LRFN5: variants seen among roughly 807,000 people sequenced by gnomAD.
The protein encoded by LRFN5 is leucine-rich repeat and fibronectin type-III domain-containing protein 5.
In LRFN5, 24 loss-of-function variants were observed where a neutral mutation model predicts 45.6. The ratio of observed to expected loss-of-function variants is 0.53; its 90% confidence interval spans 0.38 to 0.74. LRFN5 has a LOEUF of 0.74. Among genes scored for constraint, LRFN5 ranks in the 30% least tolerant of loss-of-function variants. The pLI, the probability that LRFN5 is intolerant of heterozygous loss-of-function variation, is 0.00. For missense variants in LRFN5, 776 were observed against 861.5 expected, an observed-to-expected ratio of 0.90 and a Z score of 1.24; for synonymous variants, 340 against 313.8, an observed-to-expected ratio of 1.08 and a Z score of -0.88.
chr14:41,653,225 T>A (rs1327670957), intron 1 of LRFN5, among the ~76,000 whole-genome samples: 1 of 152,174 alleles, frequency 6.6e-6, no homozygotes, highest in Non-Finnish European at 1.5e-5. Flanking sequence ...ATCTTCATCA[T>A]AAAGTCTTTG....
intron 1 of LRFN5, among the ~76,000 whole-genome samples, chr14:41,670,225 G>GTA (rs1478689228): frequency 0.022 from 940 of 42,192 alleles, 36 homozygotes; most frequent in Non-Finnish European, 0.032. Context: ...GTATATATAT[G>GTA]TATACACACA....
At chr14:41,619,487 A>T (rs1888041344) in intron 1 of LRFN5, among the ~76,000 whole-genome samples, 2 of 152,038 alleles carry the variant, frequency 1.3e-5, no homozygotes, top group Admixed American at 6.6e-5. Flanking sequence ...CTGAAAATGC[A>T]TGTCATATTC....
chr14:41,797,262 G>T (rs1429500065), intron 2 of LRFN5, among the ~76,000 whole-genome samples: 2 of 151,442 alleles, frequency 1.3e-5, no homozygotes, highest in Non-Finnish European at 3.0e-5. Flanking sequence ...ATTTATTTGG[G>T]TGTTAATTTT....
intron 1 of LRFN5, among the ~76,000 whole-genome samples, chr14:41,664,742 T>C (rs1880818493): frequency 6.6e-6 from 1 of 152,008 alleles, no homozygotes; most frequent in Admixed American, 6.6e-5. Flanking sequence ...AATTATGCAA[T>C]ATACATTCAA....
At chr14:41,760,407 A>G (rs1182710292) in intron 1 of LRFN5, among the ~76,000 whole-genome samples, 1 of 152,152 alleles carries the variant, frequency 6.6e-6, no homozygotes, top group Non-Finnish European at 1.5e-5. Flanking sequence ...TCTAATTTTA[A>G]AAGAATAATG....
chr14:41,664,172 A>G (rs1216183991), intron 1 of LRFN5, among the ~76,000 whole-genome samples: 2 of 152,046 alleles, frequency 1.3e-5, no homozygotes, highest in African/African-American at 2.4e-5. Flanking sequence ...AAAAATTATA[A>G]TAAGAATTTG....
chr14:41,843,374 G>A (rs370637099), intron 2 of LRFN5, among the ~76,000 whole-genome samples: 3 of 151,964 alleles, frequency 2.0e-5, no homozygotes, highest in Non-Finnish European at 4.4e-5. Context: ...GATTTCATAC[G>A]TGAGAAAAAC....
At chr14:41,781,319 CAA>C (rs1886473856) in intron 2 of LRFN5, among the ~76,000 whole-genome samples, 1 of 151,844 alleles carries the variant, frequency 6.6e-6, no homozygotes, top group South Asian at 2.1e-4. Flanking sequence ...GCCAGGAGTT[CAA>C]AACCAGCCTG....
chr14:41,686,886 T>C (rs1248101127), intron 1 of LRFN5, among the ~76,000 whole-genome samples: 1 of 152,184 alleles, frequency 6.6e-6, no homozygotes, highest in East Asian at 1.9e-4. Context: ...GATTGTCCCA[T>C]CAAAGTTCAT....
chr14:41,712,061 G>A (rs187976771), intron 1 of LRFN5, among the ~76,000 whole-genome samples: 1 of 152,234 alleles, frequency 6.6e-6, no homozygotes, highest in East Asian at 1.9e-4. Context: ...TGTTGAAGTT[G>A]ACGAGAACGG....
chr14:41,695,728 GGATTCCTTTCAAAAT>G (rs1882582359), intron 1 of LRFN5, among the ~76,000 whole-genome samples: 1 of 151,806 alleles, frequency 6.6e-6, no homozygotes, highest in Admixed American at 6.6e-5. Flanking sequence ...TCAGGAAAAA[GGATTCCTTTCAAAAT>G]ATTACTGCTC....
chr14:41,639,472 A>C (rs1377217165), intron 1 of LRFN5, among the ~76,000 whole-genome samples: 1 of 152,124 alleles, frequency 6.6e-6, no homozygotes, highest in African/African-American at 2.4e-5. Context: ...TTGCCTTGTT[A>C]CTAACGTTAT....
chr14:41,886,354 A>G (rs983105432), intron 2 of LRFN5, among the ~76,000 whole-genome samples: 1 of 152,190 alleles, frequency 6.6e-6, no homozygotes, highest in Non-Finnish European at 1.5e-5. Context: ...CTTAATTTGC[A>G]GAGTTATAAT....
chr14:41,615,038 A>C (rs1887884972), intron 1 of LRFN5, among the ~76,000 whole-genome samples: 1 of 152,096 alleles, frequency 6.6e-6, no homozygotes, highest in Non-Finnish European at 1.5e-5. Context: ...AATACTCTGG[A>C]GAATGCATGA....
chr14:41,723,034 G>A (rs984718714), intron 1 of LRFN5, among the ~76,000 whole-genome samples: 1 of 152,178 alleles, frequency 6.6e-6, no homozygotes, highest in African/African-American at 2.4e-5. Context: ...ATAGTAGGTG[G>A]GGTAGCCTCA....
In LRFN5 at chr14:41,727,100, T is replaced by C. The variant is rs117534777; in HGVS notation, c.-196-39754T>C. ...CTTCCATTTGAAGATGGAATCACCA[T>C]TGACCTTTTACAGTGACAAGACTTT... On this transcript the variant is annotated intron_variant, in intron 1 of 5. Coordinates refer to ENST00000298119, the MANE Select transcript of LRFN5 (RefSeq NM_152447.5). Among the ~76,000 whole-genome samples the C allele has an allele frequency of 1.7e-4, 26 of 152,330 alleles. 1 individual carries two copies. In the East Asian group the frequency reaches 5.0e-3, roughly 29 times the overall value.
At chr14:41,863,090 T>G (rs188425092) in intron 2 of LRFN5, among the ~76,000 whole-genome samples, 1 of 152,190 alleles carries the variant, frequency 6.6e-6, no homozygotes, top group African/African-American at 2.4e-5. Flanking sequence ...GGTCTCGATC[T>G]CCTGACCTTG....
At chr14:41,637,369 A>G (rs534169338) in intron 1 of LRFN5, among the ~76,000 whole-genome samples, 1 of 152,232 alleles carries the variant, frequency 6.6e-6, no homozygotes, top group East Asian at 1.9e-4. Context: ...GCAAATTAAA[A>G]CTATTAGAAT....
intron 1 of LRFN5, among the ~76,000 whole-genome samples, chr14:41,669,699 A>C (rs1171952181): frequency 6.6e-6 from 1 of 152,014 alleles, no homozygotes; most frequent in Non-Finnish European, 1.5e-5. Flanking sequence ...GCCAGTTCTT[A>C]CTGTAGGAAT....
Sources: gnomAD v4.1 joint callset for allele counts (sites outside exome capture counted in the v4.1 genomes callset) on GRCh38, gnomAD v4.1.1 for gene constraint, MANE v1.5 for transcripts, NCBI Gene and HGNC (gene_info 2026-07-23, HGNC 2026-07-21) for gene names.